CELSR3: variants seen among roughly 807,000 people sequenced by gnomAD.
CELSR3 encodes cadherin EGF LAG seven-pass G-type receptor 3, also known as EGF-like protein 1.
A neutral mutation model predicts 270.0 loss-of-function variants in CELSR3; 73 were observed. That is an observed-to-expected ratio of 0.27 (90% CI 0.22 to 0.33). The LOEUF is 0.33. CELSR3 is among the 10% of genes least tolerant of loss of function. The pLI, the probability that CELSR3 is intolerant of heterozygous loss-of-function variation, is 1.00. For synonymous variants in CELSR3, 1,780 were observed against 1,905.4 expected, an observed-to-expected ratio of 0.93 and a Z score of 1.71; for missense variants, 3,614 against 4,533.8, an observed-to-expected ratio of 0.80 and a Z score of 5.83.
chr3:48,644,851 CTG>C lies in CELSR3; in HGVS notation c.7973-25_7973-24del. 2 of 1,602,270 alleles carry C rather than the reference CTG, an allele frequency of 1.2e-6. No homozygotes were observed. The highest frequency in any genetic ancestry group is 1.7e-6 in the Non-Finnish European group (2 of 1,171,298). On this transcript the variant is annotated intron_variant, in intron 25 of 34. Transcript: ENST00000164024. The surrounding 1 kb of genome is among the most constrained non-coding windows in gnomAD (Gnocchi z 4.8). The stretch of plus-strand genomic sequence containing the variant: ...GGCCTTGGGAAGAGAAAGGGTAGGA[CTG>C]AGGGTGTGTGTTCCAGAGCTGCTGA...
In CELSR3 at chr3:48,662,137, C is replaced by T. The variant is rs752604952; in HGVS notation, c.498G>A (p.Gly166=). 4 of 1,612,888 alleles carry T rather than the reference C, an allele frequency of 2.5e-6. No homozygotes were observed. Among genetic ancestry groups the T allele is most frequent in the Admixed American group, 3.3e-5 (2 of 59,910 alleles). ...AGTCTGAAGGGAGGGGCGAGCTGTT[C>T]CCCGAGCCCGGGACCCCTGAGGACA... ...GALSSGVPGS[G]NSSPLPSDFL... Residue 166 remains glycine, a synonymous_variant, in exon 1 of 35, where the codon GGG becomes GGA. Coordinates refer to ENST00000164024, the MANE Select transcript of CELSR3 (RefSeq NM_001407.3). The surrounding 1 kb of genome is among the most constrained non-coding windows in gnomAD (Gnocchi z 7.1).
chr3:48,654,355 C>G lies in CELSR3; in HGVS notation c.5086G>C (p.Asp1696His). Residue 1696 changes from aspartate (D) to histidine (H), a missense_variant, in exon 7 of 35, where the codon GAC becomes CAC. This residue lies in a region of CELSR3 where 1,331 missense variants were observed against 1,933.7 expected (regional missense o/e 0.69). Transcript: ENST00000164024. This position sits in a 1 kb window ranked among gnomAD's most constrained non-coding sequence, Gnocchi z 5.4. ...SHKDFIGCMR[D>H]LHIDGRRVDM... ...ACTCGGCGGCCATCAATGTGCAGGTCCCGCATACAGCCGATGAAGTCCTTA... is the reference window on the plus strand; with the variant it reads ...ACTCGGCGGCCATCAATGTGCAGGTGCCGCATACAGCCGATGAAGTCCTTA... 1 of 1,614,056 alleles carries G rather than the reference C, an allele frequency of 6.2e-7. No homozygotes were observed. Among genetic ancestry groups the G allele is most frequent in the South Asian group, 1.1e-5 (1 of 91,076 alleles).
chr3:48,644,864 T>C lies in CELSR3; in HGVS notation c.7973-36A>G. 1 of 1,587,246 alleles carries C rather than the reference T, an allele frequency of 6.3e-7. No individual in the cohort carries two copies. The highest frequency in any genetic ancestry group is 8.6e-7 in the Non-Finnish European group (1 of 1,159,070). On this transcript the variant is annotated intron_variant, in intron 25 of 34. Coordinates refer to ENST00000164024, the MANE Select transcript of CELSR3 (RefSeq NM_001407.3). This position sits in a 1 kb window ranked among gnomAD's most constrained non-coding sequence, Gnocchi z 4.8. ...GAAAGGGTAGGACTGAGGGTGTGTGTTCCAGAGCTGCTGACCAGCCCATGT... is the reference window on the plus strand; with the variant it reads ...GAAAGGGTAGGACTGAGGGTGTGTGCTCCAGAGCTGCTGACCAGCCCATGT...
Position 48,661,510 on chromosome 3 carries a change from C to T in CELSR3, c.1125G>A (p.Leu375=), listed in dbSNP as rs1490062123. 2 of 1,604,510 alleles carry T rather than the reference C, an allele frequency of 1.2e-6. No individual in the cohort carries two copies. The highest frequency in any genetic ancestry group is 1.1e-5 in the South Asian group (1 of 90,486). Residue 375 remains leucine, a synonymous_variant, in exon 1 of 35, where the codon CTG becomes CTA. Transcript: ENST00000164024. ...GGCCGCTCTGCGGGTCGATGCTGAA[C>T]AGCTCCAGCGAGCGGCTGTTCATGA... The part of the protein sequence containing the change: ...AALMNSRSLE[L]FSIDPQSGLI...
rs1186463046 is a variant in CELSR3 at position 48,660,274 on chromosome 3, A to T, written c.2361T>A (p.Ser787Arg). The change falls in exon 1 of 35, where the codon AGT (serine) becomes AGA (arginine). Residue 787 changes from serine (S) to arginine (R), a missense_variant. Ser to Arg is a moderately radical substitution (Grantham distance 110, BLOSUM62 -1). Transcript: ENST00000164024. This position sits in a 1 kb window ranked among gnomAD's most constrained non-coding sequence, Gnocchi z 5.5. ...CGCCTGTGATCTGGTAGCTGATGGC[A>T]CTGTTGGCATCACGGTCTACTGCGG... Reference protein sequence around the residue: ...SVTAVDRDANSAISYQITGGN... With the variant: ...SVTAVDRDANRAISYQITGGN... 1.2e-6 allele frequency: 2 copies of T among 1,614,000 alleles called. No individual in the cohort carries two copies. Among genetic ancestry groups the T allele is most frequent in the African/African-American group, 1.3e-5 (1 of 74,884 alleles).
At position 48,660,022 on chromosome 3, in the gene CELSR3, C is replaced by T. The variant is rs759690465; in HGVS notation, c.2613G>A (p.Arg871=). The change falls in exon 1 of 35, where the codon CGG becomes CGA. Residue 871 remains arginine (R), a synonymous_variant. Coordinates refer to ENST00000164024, the MANE Select transcript of CELSR3 (RefSeq NM_001407.3). This position sits in a 1 kb window ranked among gnomAD's most constrained non-coding sequence, Gnocchi z 5.5. ...AHYSVSVNED[R]PMGSTIVVIS... ...TGACCACTATGGTGCTACCCATTGGCCGATCTTCATTCACACTCACTGAGT... is the reference window on the plus strand; with the variant it reads ...TGACCACTATGGTGCTACCCATTGGTCGATCTTCATTCACACTCACTGAGT... 7.4e-6 allele frequency: 12 copies of T among 1,614,060 alleles called. No homozygotes were observed. The Admixed American group carries it at 1.7e-4, about 22-fold the overall frequency.
At position 48,661,867 on chromosome 3, in the gene CELSR3, A is replaced by C. The variant is rs144110679; in HGVS notation, c.768T>G (p.Pro256=). 36 of 1,610,918 alleles carry C rather than the reference A, an allele frequency of 2.2e-5. No individual in the cohort carries two copies. Among genetic ancestry groups the C allele is most frequent in the Non-Finnish European group, 3.1e-5 (36 of 1,179,648 alleles). ...DSAPRTARTA[P]ASGSAPRESR... ...ACTCGCGGGGTGCTGAACCTGATGCAGGAGCTGTCCTCGCCGTGCGTGGTG... is the reference window on the plus strand; with the variant it reads ...ACTCGCGGGGTGCTGAACCTGATGCCGGAGCTGTCCTCGCCGTGCGTGGTG... The change falls in exon 1 of 35, where the codon CCT becomes CCG. Residue 256 remains proline (P), a synonymous_variant. Coordinates refer to ENST00000164024, the MANE Select transcript of CELSR3 (RefSeq NM_001407.3).
Position 48,637,964 on chromosome 3 carries a change from C to G in CELSR3, c.*241G>C. 1 of 459,964 alleles carries G rather than the reference C, an allele frequency of 2.2e-6. No homozygotes were observed. The highest frequency in any genetic ancestry group is 3.2e-5 in the East Asian group (1 of 31,366). 28.5% of individuals were successfully genotyped at this position (459,964 alleles called of 1,614,324 possible). A position where few individuals can be genotyped will look rare whatever the true frequency, so the allele number is the denominator to read the frequency against. ...AAGCTGAAAAATAACATAAGCATCT[C>G]TCTGGTTACAAAGGTACAAAACGTA... On this transcript the variant is annotated 3_prime_UTR_variant, in exon 35 of 35. Coordinates refer to ENST00000164024, the MANE Select transcript of CELSR3 (RefSeq NM_001407.3).
At chr3:48,649,009 T>G (rs1674614400) in intron 17 of CELSR3, 81 bp from the exon 18 acceptor site, 1 of 1,557,278 alleles carries the variant, frequency 6.4e-7, no homozygotes, top group Admixed American at 1.8e-5. Context: ...CTTGCCAGAT[T>G]AAAGGGCAAC....
Position 48,645,409 on chromosome 3 carries a change from T to G in CELSR3, c.7797+34A>C. On this transcript the variant is annotated intron_variant, in intron 24 of 34. Coordinates refer to ENST00000164024, the MANE Select transcript of CELSR3 (RefSeq NM_001407.3). The surrounding 1 kb of genome is among the most constrained non-coding windows in gnomAD (Gnocchi z 5.4). ...CAGGCCTCCTGGGCCAGTAGGGTCA[T>G]CAGGACACAAGTTCCCTGGCCCTGA... 6.2e-7 allele frequency: 1 copy of G among 1,611,576 alleles called. No individual in the cohort carries two copies. Among genetic ancestry groups the G allele is most frequent in the Non-Finnish European group, 8.5e-7 (1 of 1,178,860 alleles).
rs886456680 is a variant in CELSR3 at position 48,647,936 on chromosome 3, C to T, written c.7034G>A (p.Arg2345His). The T allele has an allele frequency of 4.3e-6, 7 of 1,611,910 alleles. No individual in the cohort carries two copies. In the Admixed American group the frequency reaches 5.0e-5, roughly 12 times the overall value. Residue 2345 changes from arginine (R) to histidine (H), a missense_variant, in exon 20 of 35, where the codon CGC (arginine) becomes CAC (histidine). Arg to His is a conservative substitution (Grantham distance 29). This residue lies in a region of CELSR3 where 1,240 missense variants were observed against 1,351.7 expected (regional missense o/e 0.92). Transcript: ENST00000164024. ...GCCTCGAAAGAGGTTGCTATGGTAGCGAGGGTAGCGACGGGCCCCCCGGGG... is the reference window on the plus strand; with the variant it reads ...GCCTCGAAAGAGGTTGCTATGGTAGTGAGGGTAGCGACGGGCCCCCCGGGG... ...SSPRGARRYP[R>H]YHSNLFRGQD...
In CELSR3 at chr3:48,658,160, G is replaced by A. The variant is rs2077037408; in HGVS notation, c.3748+727C>T. 6.6e-6 allele frequency among the ~76,000 whole-genome samples: 1 copy of A among 152,202 alleles called. No homozygotes were observed. Among genetic ancestry groups the A allele is most frequent in the Non-Finnish European group, 1.5e-5 (1 of 68,030 alleles). On this transcript the variant is annotated intron_variant, in intron 1 of 34. Transcript: ENST00000164024. This position sits in a 1 kb window ranked among gnomAD's most constrained non-coding sequence, Gnocchi z 4.7. ...AAGGATAGACTGTTGAGTGAGTTGA[G>A]GGATAAATGAAGGTTGTGCCTTCTC... is the stretch of plus-strand genomic sequence containing the variant.
rs762130461 is a variant in CELSR3 at position 48,661,576 on chromosome 3, G to A, written c.1059C>T (p.Asp353=). ...AVLRVVAQDP[D]AGEAGRLVYS... ...AGACTAGGCGCCCGGCCTCGCCGGC[G>A]TCCGGGTCCTGAGCAACCACGCGTA... The change falls in exon 1 of 35, where the codon GAC becomes GAT. Residue 353 remains aspartate, a synonymous_variant. Transcript: ENST00000164024. 22 of 1,609,054 alleles carry A rather than the reference G, an allele frequency of 1.4e-5. No individual in the cohort carries two copies. The South Asian group carries it at 2.1e-4, about 15-fold the overall frequency.
rs199785833 is a variant in CELSR3, at chr3:48,647,958, G to A, written c.7012C>T (p.Arg2338Trp). 2.6e-5 allele frequency: 42 copies of A among 1,611,874 alleles called. No individual in the cohort carries two copies. Among genetic ancestry groups the A allele is most frequent in the South Asian group, 5.5e-5 (5 of 91,074 alleles). The change falls in exon 20 of 35, where the codon CGG becomes TGG. Residue 2338 changes from arginine to tryptophan, a missense_variant. By Grantham distance (101) the Arg-to-Trp change is moderately radical. Coordinates refer to ENST00000164024, the MANE Select transcript of CELSR3 (RefSeq NM_001407.3). ...IDRMEHPSSP[R>W]GARRYPRYHS... ...TAGCGAGGGTAGCGACGGGCCCCCC[G>A]GGGAGAACTGGGGTGCTCCATGCGG...
In CELSR3 at chr3:48,655,044, T is replaced by C. The variant is rs2047168213; in HGVS notation, c.4988A>G (p.Lys1663Arg). The C allele has an allele frequency of 6.2e-7, 1 of 1,613,664 alleles. No homozygotes were observed. The highest frequency in any genetic ancestry group is 8.5e-7 in the Non-Finnish European group (1 of 1,179,842). The change falls in exon 6 of 35, where the codon AAG becomes AGG. Residue 1663 changes from lysine to arginine, a missense_variant and splice_region_variant. By Grantham distance (26) the Lys-to-Arg change is conservative. Transcript: ENST00000164024. The surrounding 1 kb of genome is among the most constrained non-coding windows in gnomAD (Gnocchi z 5.8). ...AAAGVQTSSKKSLDLTGPLLL... is the reference protein window; with the variant it reads ...AAAGVQTSSKRSLDLTGPLLL... ...GGGGACTAGGGGGCAGGGGCCTCAC[T>C]TCTTGGAGCTTGTTTGCACACCAGC... is the stretch of plus-strand genomic sequence containing the variant.
intron 19 of CELSR3, 28 bp downstream of exon 19, chr3:48,648,238 G>GCCCCCCCCAAACC: frequency 7.4e-7 from 1 of 1,342,622 alleles, no homozygotes. Context: ...CCCCTGCTGT[G>GCCCCCCCCAAACC]CCCCGCCCTA....
rs928105871 is a variant in CELSR3, at chr3:48,655,972, G to C, written c.4626-121C>G. On this transcript the variant is annotated intron_variant, in intron 3 of 34. Transcript: ENST00000164024. The surrounding 1 kb of genome is among the most constrained non-coding windows in gnomAD (Gnocchi z 5.8). Reference sequence around the variant, plus strand: ...AGAGAGGAAGCGACGAGGGACGGCGGGACCGACCGGGGGGACGCGGGTGCA... The same window carrying C: ...AGAGAGGAAGCGACGAGGGACGGCGCGACCGACCGGGGGGACGCGGGTGCA... The C allele has an allele frequency of 5.3e-6, 6 of 1,128,042 alleles. No homozygotes were observed. In the African/African-American group the frequency reaches 9.2e-5, roughly 17 times the overall value. The allele number at this position is 1,128,042 out of a possible 1,614,324, so 69.9% of individuals were successfully genotyped here.
rs2047126035 is a variant in CELSR3, at chr3:48,650,355, T to A, written c.6472+125A>T. On this transcript the variant is annotated intron_variant, in intron 16 of 34. Transcript: ENST00000164024. The surrounding 1 kb of genome is among the most constrained non-coding windows in gnomAD (Gnocchi z 5.1). ...GGTGTAGGGAGGGGCCCACATGGAC[T>A]CCCACCCCACTTCCACCTCTTTGCA... 13 of 778,216 alleles carry A rather than the reference T, an allele frequency of 1.7e-5. No individual in the cohort carries two copies. The highest frequency in any genetic ancestry group is 2.9e-5 in the Non-Finnish European group (13 of 446,600). 48.2% of individuals were successfully genotyped at this position (778,216 alleles called of 1,614,324 possible).
rs2077044300 is a variant in CELSR3 at position 48,658,838 on chromosome 3, C to T, written c.3748+49G>A. ...GAGGTGCCCTGTGGAGTCCCTGAGG[C>T]CCAACAGGTTGGTGTCACTGGGTCA... is the stretch of plus-strand genomic sequence containing the variant. On this transcript the variant is annotated intron_variant, in intron 1 of 34. Transcript: ENST00000164024. The surrounding 1 kb of genome is among the most constrained non-coding windows in gnomAD (Gnocchi z 4.7). 2 of 1,588,858 alleles carry T rather than the reference C, an allele frequency of 1.3e-6. No individual in the cohort carries two copies. Among genetic ancestry groups the T allele is most frequent in the Admixed American group, 1.7e-5 (1 of 58,668 alleles).
Sources: allele counts gnomAD v4.1 joint callset (sites outside exome capture counted in the v4.1 genomes callset), GRCh38; gene constraint gnomAD v4.1.1; regional missense constraint gnomAD v4.1.1; non-coding constraint Gnocchi (gnomAD v3.1); transcripts MANE v1.5; gene names NCBI Gene and HGNC (gene_info 2026-07-23, HGNC 2026-07-21).